GAB1: variants seen among roughly 807,000 people sequenced by gnomAD.
The protein encoded by GAB1 is GRB2-associated-binding protein 1.
A neutral mutation model predicts 66.5 loss-of-function variants in GAB1; 19 were observed. The ratio of observed to expected loss-of-function variants is 0.29; its 90% CI spans 0.20 to 0.42. GAB1 has a LOEUF of 0.42. GAB1 is among the 10% of genes least tolerant of loss of function. The probability of loss-of-function intolerance (pLI) is 1.00; values close to 1 mark genes in which losing one functional copy is unlikely to be tolerated. For missense variants in GAB1, 732 were observed against 858.5 expected (o/e 0.85, Z 1.84); for synonymous variants, 294 against 301.4 (o/e 0.98, Z 0.25).
Position 143,401,587 on chromosome 4 carries a change from T to C in GAB1, c.73-13890T>C, listed in dbSNP as rs555162090. ...TTTCTTTATGGGTTTCAGGAAGCAT[T>C]TCAGTTAGGACTTCACCTTTCCCTC... On this transcript the variant is annotated intron_variant, in intron 1 of 9. Coordinates refer to ENST00000262994, the MANE Select transcript of GAB1 (RefSeq NM_002039.4). Among the ~76,000 whole-genome samples the C allele has an allele frequency of 2.0e-5, 3 of 152,200 alleles. No individual in the cohort carries two copies. The South Asian group carries it at 6.2e-4, about 31-fold the overall frequency.
chr4:143,346,342 A>G (rs1728991506), intron 1 of GAB1, among the ~76,000 whole-genome samples: 1 of 152,202 alleles, frequency 6.6e-6, no homozygotes, highest in Non-Finnish European at 1.5e-5. Context: ...AAATGTGGTT[A>G]GGCCACTTTC....
chr4:143,370,656 G>A (rs867307884), intron 1 of GAB1, among the ~76,000 whole-genome samples: 8 of 152,006 alleles, frequency 5.3e-5, no homozygotes, highest in Admixed American at 2.6e-4. Flanking sequence ...CCATTAACTC[G>A]TCATTTACAT....
Position 143,469,125 on chromosome 4 carries a change from G to A in GAB1, c.2021G>A (p.Arg674Gln). The change falls in exon 10 of 10, where the codon CGG becomes CAG. Residue 674 changes from arginine to glutamine, a missense_variant. By Grantham distance (43) the Arg-to-Gln change is conservative. Transcript: ENST00000262994. ...QQKTLALKST[R>Q]EAWTDGRQST... The stretch of plus-strand genomic sequence containing the variant: ...AAGACCTTGGCTCTAAAGAGTACCC[G>A]GGAAGCCTGGACAGATGGGAGACAG... 3.1e-6 allele frequency: 5 copies of A among 1,614,162 alleles called. No individual in the cohort carries two copies. Among genetic ancestry groups the A allele is most frequent in the Non-Finnish European group, 4.2e-6 (5 of 1,180,000 alleles).
At chr4:143,344,773 C>A (rs942877825) in intron 1 of GAB1, among the ~76,000 whole-genome samples, 10 of 152,208 alleles carry the variant, frequency 6.6e-5, no homozygotes, top group Admixed American at 3.3e-4. Context: ...GAAGAATGCC[C>A]TAACTGGAAA....
rs1456554209 is a variant in GAB1 at position 143,459,371 on chromosome 4, C to G, written c.1586-14C>G. 6.6e-7 allele frequency: 1 copy of G among 1,520,284 alleles called. No homozygotes were observed. Among genetic ancestry groups the G allele is most frequent in the South Asian group, 1.1e-5 (1 of 88,836 alleles). The allele number at this position is 1,520,284 out of a possible 1,614,324, so 94.2% of individuals were successfully genotyped here. ...CTGTATACTAAAAATCTCTTTTTCT[C>G]TTTTTCTTTTCAGTCAAGCCAGCGC... On this transcript the variant is annotated splice_polypyrimidine_tract_variant and intron_variant, in intron 6 of 9. Coordinates refer to ENST00000262994, the MANE Select transcript of GAB1 (RefSeq NM_002039.4).
At chr4:143,354,567 C>G (rs1217011018) in intron 1 of GAB1, among the ~76,000 whole-genome samples, 1 of 151,890 alleles carries the variant, frequency 6.6e-6, no homozygotes, top group African/African-American at 2.4e-5. Flanking sequence ...TGCCCTTTGC[C>G]TAAGTTACTA....
chr4:143,375,432 A>T lies in GAB1; in HGVS notation c.72+38172A>T, dbSNP rs548458730. 1.4e-4 allele frequency among the ~76,000 whole-genome samples: 22 copies of T among 152,304 alleles called. No individual in the cohort carries two copies. The South Asian group carries it at 4.6e-3, about 32-fold the overall frequency. ...TTCTTGCCGTATCTGAGCACTTGCC[A>T]CCTGGTGGTAAGGAGACCATTCCAT... On this transcript the variant is annotated intron_variant, in intron 1 of 9. Coordinates refer to ENST00000262994, the MANE Select transcript of GAB1 (RefSeq NM_002039.4).
intron 2 of GAB1, among the ~76,000 whole-genome samples, chr4:143,422,531 G>C (rs1342099038): frequency 1.3e-5 from 2 of 152,142 alleles, no homozygotes; most frequent in Non-Finnish European, 2.9e-5. Context: ...GAGTAGAATT[G>C]TTTCCTAGGG....
Position 143,433,491 on chromosome 4 carries a change from A to G in GAB1, c.368A>G (p.Asp123Gly), listed in dbSNP as rs1196434138. The G allele has an allele frequency of 1.2e-6, 2 of 1,612,810 alleles. No homozygotes were observed. The highest frequency in any genetic ancestry group is 2.7e-5 in the African/African-American group (2 of 74,878). The change falls in exon 3 of 10, where the codon GAT becomes GGT. Residue 123 changes from aspartate to glycine, a missense_variant and splice_region_variant. Around this residue, in one of 4 missense-constraint regions of GAB1, gnomAD observed 66 missense variants for 130.3 expected, o/e 0.51. Coordinates refer to ENST00000262994, the MANE Select transcript of GAB1 (RefSeq NM_002039.4). ...DICGFNPTEE[D>G]PVKPPGSSLQ... ...TGATAGTTAAACTTTGGTGTTGCAG[A>G]TCCTGTGAAGCCACCTGGCAGCTCT...
chr4:143,467,771 G>C (rs1208331260), intron 9 of GAB1, among the ~76,000 whole-genome samples: 1 of 152,078 alleles, frequency 6.6e-6, no homozygotes, highest in Non-Finnish European at 1.5e-5. Flanking sequence ...AGCTTGATGA[G>C]ATATTCTCAG....
chr4:143,407,621 A>G (rs1183651735), intron 1 of GAB1, among the ~76,000 whole-genome samples: 3 of 152,230 alleles, frequency 2.0e-5, no homozygotes, highest in African/African-American at 2.4e-5. Flanking sequence ...GCACAAGGCT[A>G]GAAAATGGTG....
At chr4:143,453,553 A>G (rs886926732) in intron 6 of GAB1, among the ~76,000 whole-genome samples, 5 of 152,182 alleles carry the variant, frequency 3.3e-5, no homozygotes, top group Admixed American at 6.5e-5. Flanking sequence ...ACTGTAACCA[A>G]CAAGAAATTA....
intron 1 of GAB1, among the ~76,000 whole-genome samples, chr4:143,352,445 A>C (rs542571574): frequency 6.6e-6 from 1 of 152,336 alleles, no homozygotes; most frequent in East Asian, 1.9e-4. Flanking sequence ...ACTGTTAAGG[A>C]GTTTTCTCTT....
intron 7 of GAB1, among the ~76,000 whole-genome samples, 178 bp downstream of exon 7, chr4:143,459,656 G>A (rs1223736933): frequency 6.6e-6 from 1 of 152,136 alleles, no homozygotes; most frequent in Non-Finnish European, 1.5e-5. Context: ...GTTATTTTCT[G>A]TATTTTTTCT....
chr4:143,463,000 GA>G (rs148137216), intron 8 of GAB1, among the ~76,000 whole-genome samples: 4,097 of 151,962 alleles, frequency 0.027, 191 homozygotes, highest in African/African-American at 0.094. Context: ...CTATGTATTA[GA>G]AAAAAGCAAA....
At chr4:143,402,140 T>C (rs1184316320) in intron 1 of GAB1, among the ~76,000 whole-genome samples, 1 of 152,150 alleles carries the variant, frequency 6.6e-6, no homozygotes, top group African/African-American at 2.4e-5. Flanking sequence ...ACCAATGCTA[T>C]CCAAAAATTA....
intron 1 of GAB1, among the ~76,000 whole-genome samples, chr4:143,370,374 C>A (rs1034215063): frequency 3.9e-5 from 6 of 152,080 alleles, no homozygotes; most frequent in Non-Finnish European, 5.9e-5. Context: ...CAGCCATTGT[C>A]CCTTTTGACT....
intron 6 of GAB1, among the ~76,000 whole-genome samples, chr4:143,457,404 C>A (rs963104772): frequency 2.0e-5 from 3 of 152,114 alleles, no homozygotes; most frequent in Non-Finnish European, 4.4e-5. Flanking sequence ...TAACAACTAA[C>A]CAGGCTGGTT....
intron 3 of GAB1, among the ~76,000 whole-genome samples, chr4:143,435,240 C>G (rs1733886240): frequency 6.6e-6 from 1 of 152,010 alleles, no homozygotes; most frequent in Non-Finnish European, 1.5e-5. Context: ...CATTCCAAAG[C>G]TGGATTTCTA....
Sources: gnomAD v4.1 joint callset for allele counts (sites outside exome capture counted in the v4.1 genomes callset) on GRCh38, gnomAD v4.1.1 for gene constraint, gnomAD v4.1.1 regional missense constraint, MANE v1.5 for transcripts, NCBI Gene and HGNC (gene_info 2026-07-23, HGNC 2026-07-21) for gene names.